Variants in EMX1 observed in about 807,000 individuals in gnomAD.
EMX1 encodes the protein empty spiracles homeobox 1.
EMX1 carries 10 observed loss-of-function variants against 20.1 expected under a neutral mutation model. That is an observed-to-expected ratio of 0.50 (90% CI 0.31 to 0.84). The LOEUF is 0.84. EMX1 is among the 40% of genes least tolerant of loss of function. The pLI is 0.05. For missense variants in EMX1, 424 were observed against 431.9 expected, an observed-to-expected ratio of 0.98 and a Z score of 0.16; for synonymous variants, 250 against 200.4, an observed-to-expected ratio of 1.25 and a Z score of -2.09.
At chr2:72,918,424 G>A in intron 1 of EMX1, 52 bp downstream of exon 1, 1 of 1,354,182 alleles carries the variant, frequency 7.4e-7, no homozygotes, top group Non-Finnish European at 9.4e-7. Flanking sequence ...CCCGTGCTGC[G>A]GCGATGCGGG....
intron 1 of EMX1, among the ~76,000 whole-genome samples, chr2:72,922,335 T>C (rs1482780122): frequency 5.3e-5 from 8 of 152,188 alleles, no homozygotes; most frequent in Non-Finnish European, 1.5e-5. Context: ...TAATCTTCCT[T>C]ATTCCCCACC....
Position 72,917,889 on chromosome 2 carries a change from G to C in EMX1, c.37G>C (p.Ala13Pro). Reference protein sequence around the residue: ...LAGCTPRKAAAPGRGALPRAR... With the variant: ...LAGCTPRKAAPPGRGALPRAR... ...TGGGTGCACACCCCGCAAGGCGGCG[G>C]CGCCAGGACGCGGAGCGCTCCCCAG... Residue 13 changes from alanine to proline, a missense_variant, in exon 1 of 3, where the codon GCG (alanine) becomes CCG (proline). Ala to Pro is a conservative substitution (Grantham distance 27, BLOSUM62 -1). Around this residue, in one of 2 missense-constraint regions of EMX1, gnomAD observed 333 missense variants for 296.6 expected, o/e 1.12. Transcript: ENST00000258106. 6.8e-7 allele frequency: 1 copy of C among 1,479,948 alleles called. No homozygotes were observed. The highest frequency in any genetic ancestry group is 8.9e-7 in the Non-Finnish European group (1 of 1,122,864). The allele number at this position is 1,479,948 out of a possible 1,614,324, so 91.7% of individuals were successfully genotyped here.
chr2:72,920,634 C>T (rs1671084461), intron 1 of EMX1, among the ~76,000 whole-genome samples: 1 of 152,258 alleles, frequency 6.6e-6, no homozygotes, highest in Non-Finnish European at 1.5e-5. Context: ...AACGAAACCC[C>T]ACACGAACGA....
In EMX1 at chr2:72,933,813, G is replaced by A. The variant is rs1403470941; in HGVS notation, c.732G>A (p.Arg244=). 2 of 1,614,222 alleles carry A rather than the reference G, an allele frequency of 1.2e-6. No individual in the cohort carries two copies. The highest frequency in any genetic ancestry group is 1.3e-5 in the African/African-American group (1 of 75,062). Residue 244 remains arginine, a synonymous_variant, in exon 3 of 3, where the codon AGG becomes AGA. Coordinates refer to ENST00000258106, the MANE Select transcript of EMX1 (RefSeq NM_004097.3). The part of the protein sequence containing the change: ...TQVKVWFQNR[R]TKYKRQKLEE... ...TGAAGGTGTGGTTCCAGAACCGGAG[G>A]ACAAAGTACAAACGGCAGAAGCTGG...
chr2:72,920,933 A>G (rs1453835566), intron 1 of EMX1, among the ~76,000 whole-genome samples: 1 of 152,102 alleles, frequency 6.6e-6, no homozygotes, highest in Non-Finnish European at 1.5e-5. Context: ...CGCAACTACA[A>G]TGGGCCGGAG....
intron 1 of EMX1, among the ~76,000 whole-genome samples, chr2:72,919,526 G>A (rs1458615666): frequency 6.6e-6 from 1 of 152,130 alleles, no homozygotes; most frequent in African/African-American, 2.4e-5. Flanking sequence ...TGTAGTCTAG[G>A]TCTACAGTCA....
At chr2:72,917,079 C>A (rs1670977090), upstream of EMX1, 1 of 640,264 alleles carries the variant, frequency 1.6e-6, no homozygotes, top group South Asian at 1.8e-5. Flanking sequence ...GTGGGAGAGT[C>A]CCGGAGAGCA....
At chr2:72,919,816 G>C (rs1671068446) in intron 1 of EMX1, among the ~76,000 whole-genome samples, 1 of 152,226 alleles carries the variant, frequency 6.6e-6, no homozygotes, top group Admixed American at 6.5e-5. Flanking sequence ...CATCTGCCTT[G>C]GGCAAGAGTT....
upstream of EMX1, chr2:72,916,797 T>C: frequency 1.4e-6 from 1 of 716,970 alleles, no homozygotes; most frequent in Non-Finnish European, 2.6e-6. Context: ...GGCGAGGGGG[T>C]GGATCTCCCA....
At chr2:72,918,444 G>A (rs781619262) in intron 1 of EMX1, 72 bp downstream of exon 1, 541 of 1,346,418 alleles carry the variant, frequency 4.0e-4, no homozygotes, top group Admixed American at 9.8e-4. Flanking sequence ...GGGAGGCTCG[G>A]GGGCGCGCGG....
In EMX1 at chr2:72,917,874, C is replaced by T. The variant is rs1309584484; in HGVS notation, c.22C>T (p.Pro8Ser). 8 of 1,476,442 alleles carry T rather than the reference C, an allele frequency of 5.4e-6. No individual in the cohort carries two copies. Among genetic ancestry groups the T allele is most frequent in the Non-Finnish European group, 1.8e-6 (2 of 1,121,174 alleles). 91.5% of individuals were successfully genotyped at this position (1,476,442 alleles called of 1,614,324 possible). A position where few individuals can be genotyped will look rare whatever the true frequency, so the allele number is the denominator to read the frequency against. The change falls in exon 1 of 3, where the codon CCC becomes TCC. Residue 8 changes from proline to serine, a missense_variant. By Grantham distance (74) the Pro-to-Ser change is moderately conservative (BLOSUM62 -1). Around this residue, in one of 2 missense-constraint regions of EMX1, gnomAD observed 333 missense variants for 296.6 expected, o/e 1.12. Transcript: ENST00000258106. MCLAGCT[P>S]RKAAAPGRGA... ...GTGCATGTGCCTGGCTGGGTGCACACCCCGCAAGGCGGCGGCGCCAGGACG... is the reference window on the plus strand; with the variant it reads ...GTGCATGTGCCTGGCTGGGTGCACATCCCGCAAGGCGGCGGCGCCAGGACG...
chr2:72,925,405 C>T, intron 2 of EMX1: 3 of 1,254,814 alleles, frequency 2.4e-6, no homozygotes, highest in Non-Finnish European at 2.1e-6. Flanking sequence ...TAAATGCTGC[C>T]TGGGATCACT....
chr2:72,918,297 G>A lies in EMX1; in HGVS notation c.445G>A (p.Gly149Ser), dbSNP rs1671030329. Reference sequence around the variant, plus strand: ...GCTGCAGCCCCCGCACTCCTTCTTCGGCGCCCAGCACCGGGACCCTCTCCA... The same window carrying A: ...GCTGCAGCCCCCGCACTCCTTCTTCAGCGCCCAGCACCGGGACCCTCTCCA... Reference protein sequence around the residue: ...SPLQPPHSFFGAQHRDPLHFY... With the variant: ...SPLQPPHSFFSAQHRDPLHFY... Residue 149 changes from glycine (G) to serine (S), a missense_variant, in exon 1 of 3, where the codon GGC becomes AGC. Physicochemically the swap from Gly to Ser is moderately conservative, Grantham distance 56. Transcript: ENST00000258106. The A allele has an allele frequency of 1.3e-6, 2 of 1,573,858 alleles. No homozygotes were observed. The highest frequency in any genetic ancestry group is 1.4e-5 in the African/African-American group (1 of 72,038).
chr2:72,920,263 T>A (rs1671077789), intron 1 of EMX1, among the ~76,000 whole-genome samples: 1 of 152,096 alleles, frequency 6.6e-6, no homozygotes, highest in East Asian at 1.9e-4. Flanking sequence ...CGCAAAACCC[T>A]CTTGGAAATT....
At chr2:72,924,523 C>CGCCCGGA in intron 2 of EMX1, 30 bp downstream of exon 2, 1 of 1,529,624 alleles carries the variant, frequency 6.5e-7, no homozygotes. Flanking sequence ...GCCTGCCCTG[C>CGCCCGGA]GCCCGGAGCC....
At chr2:72,933,412 G>A in intron 2 of EMX1, 1 of 213,206 alleles carries the variant, frequency 4.7e-6, no homozygotes, top group Non-Finnish European at 9.4e-6. Context: ...AAGCGATTAT[G>A]ATCTCTCCTC....
chr2:72,924,385 C>T lies in EMX1; in HGVS notation c.597C>T (p.Phe199=). ...AGCCCAAGCGGATCCGCACGGCCTT[C>T]TCGCCCTCGCAGCTGCTGCGGCTGG... ...ARKPKRIRTA[F]SPSQLLRLER... Residue 199 remains phenylalanine, a synonymous_variant, in exon 2 of 3, where the codon TTC becomes TTT. Transcript: ENST00000258106. 1 of 1,594,516 alleles carries T rather than the reference C, an allele frequency of 6.3e-7. No individual in the cohort carries two copies. The highest frequency in any genetic ancestry group is 8.5e-7 in the Non-Finnish European group (1 of 1,175,184).
intron 1 of EMX1, among the ~76,000 whole-genome samples, chr2:72,919,042 C>G (rs1671051092): frequency 6.6e-6 from 1 of 152,188 alleles, no homozygotes; most frequent in South Asian, 2.1e-4. Context: ...GGGAGGGAGC[C>G]CACCCGGCTG....
chr2:72,916,659 C>T (rs2105258064), upstream of EMX1: 1 of 713,214 alleles, frequency 1.4e-6, no homozygotes, highest in Non-Finnish European at 2.6e-6. Context: ...TCTGCGTGTC[C>T]TGACGGCTGG....
Sources: gnomAD v4.1 joint callset for allele counts (sites outside exome capture counted in the v4.1 genomes callset) on GRCh38, gnomAD v4.1.1 for gene constraint, gnomAD v4.1.1 regional missense constraint, MANE v1.5 for transcripts, NCBI Gene and HGNC (gene_info 2026-07-23, HGNC 2026-07-21) for gene names.